The following CERS6 variants were observed in gnomAD, a reference collection of about 807,000 sequenced individuals.
CERS6 encodes the protein LAG1 homolog, ceramide synthase 6.
CERS6 carries 26 observed loss-of-function variants against 56.8 expected under a neutral mutation model. That is an observed-to-expected ratio of 0.46 (90% CI 0.34 to 0.63). The LOEUF is 0.63. Ranked by LOEUF, CERS6 falls within the 30% of genes least tolerant of loss-of-function variation. The probability of loss-of-function intolerance (pLI) is 0.01; values close to 1 mark genes in which losing one functional copy is unlikely to be tolerated. For missense variants in CERS6, 415 were observed against 467.5 expected (o/e 0.89, Z 1.04); for synonymous variants, 164 against 173.3 (o/e 0.95, Z 0.42).
In CERS6 at chr2:168,541,414, CAT is replaced by C. The variant is rs538420655; in HGVS notation, c.171-6181_171-6180del. Among the ~76,000 whole-genome samples the C allele has an allele frequency of 1.1e-4, 16 of 152,234 alleles. No homozygotes were observed. In the South Asian group the frequency reaches 1.9e-3, roughly 18 times the overall value. On this transcript the variant is annotated intron_variant, in intron 1 of 9. Coordinates refer to ENST00000305747, the MANE Select transcript of CERS6 (RefSeq NM_203463.3). The stretch of plus-strand genomic sequence containing the variant: ...TTTTCCCTGTGACTCTAATTACCCA[CAT>C]GTTAGATTTTGAACAATTGTTCTAC...
chr2:168,578,351 T>A (rs777659561), intron 3 of CERS6, among the ~76,000 whole-genome samples: 11 of 152,118 alleles, frequency 7.2e-5, no homozygotes, highest in Non-Finnish European at 1.5e-4. Context: ...AAAGTACTTT[T>A]GTGTCTTTTA....
Position 168,695,058 on chromosome 2 carries a change from G to A in CERS6, c.609+7G>A, listed in dbSNP as rs1377252983. 17 of 1,609,022 alleles carry A rather than the reference G, an allele frequency of 1.1e-5. No individual in the cohort carries two copies. Among genetic ancestry groups the A allele is most frequent in the Non-Finnish European group, 1.4e-5 (17 of 1,175,728 alleles). ...CACTGATATCAAAAGAAAGGTAAGAGCGGTTATGTCGTAAAGTGCTTGCAA... is the reference window on the plus strand; with the variant it reads ...CACTGATATCAAAAGAAAGGTAAGAACGGTTATGTCGTAAAGTGCTTGCAA... On this transcript the variant is annotated splice_region_variant and intron_variant, in intron 6 of 9. Transcript: ENST00000305747.
chr2:168,637,082 T>C (rs1684877197), intron 4 of CERS6, among the ~76,000 whole-genome samples: 1 of 152,196 alleles, frequency 6.6e-6, no homozygotes, highest in Admixed American at 6.5e-5. Flanking sequence ...ATATGTATGG[T>C]GAGCTGGTCC....
intron 2 of CERS6, among the ~76,000 whole-genome samples, chr2:168,559,785 G>A (rs1695755585): frequency 1.1e-5 from 1 of 90,926 alleles, no homozygotes. Flanking sequence ...TTTGGTCATT[G>A]TGCCTTCTCC....
chr2:168,630,494 A>G (rs1157559589), intron 3 of CERS6, among the ~76,000 whole-genome samples: 1 of 152,198 alleles, frequency 6.6e-6, no homozygotes, highest in Non-Finnish European at 1.5e-5. Context: ...TAGATTCTAT[A>G]TGCCTTCCTT....
In CERS6 at chr2:168,496,487, A is replaced by G. The variant is rs1454699652; in HGVS notation, c.170+39869A>G. On this transcript the variant is annotated intron_variant, in intron 1 of 9. Coordinates refer to ENST00000305747, the MANE Select transcript of CERS6 (RefSeq NM_203463.3). ...ATAGGAAGCCATCAGGCTCCATGAG[A>G]GGGGATTCTTGTCTTTTGGGTCCCC... is the stretch of plus-strand genomic sequence containing the variant. Among the ~76,000 whole-genome samples the G allele has an allele frequency of 2.6e-5, 4 of 152,088 alleles. No homozygotes were observed. In the East Asian group the frequency reaches 7.7e-4, roughly 29 times the overall value.
intron 4 of CERS6, among the ~76,000 whole-genome samples, chr2:168,633,580 C>T (rs1684798325): frequency 6.6e-6 from 1 of 152,164 alleles, no homozygotes; most frequent in Admixed American, 6.5e-5. Flanking sequence ...TGACTTCCTT[C>T]TTTGGGTAGC....
intron 4 of CERS6, among the ~76,000 whole-genome samples, chr2:168,682,947 C>T (rs1355257271): frequency 6.6e-6 from 1 of 151,998 alleles, no homozygotes; most frequent in African/African-American, 2.4e-5. Flanking sequence ...TTGAACAATC[C>T]GATTTATCTT....
intron 2 of CERS6, among the ~76,000 whole-genome samples, chr2:168,555,514 T>G (rs1209746369): frequency 6.6e-6 from 1 of 152,060 alleles, no homozygotes; most frequent in Non-Finnish European, 1.5e-5. Flanking sequence ...ATAACTATAA[T>G]TTTAACTTAT....
intron 4 of CERS6, among the ~76,000 whole-genome samples, chr2:168,645,114 A>T (rs868583699): frequency 0.043 from 1,453 of 34,152 alleles, 128 homozygotes; most frequent in Non-Finnish European, 0.063. Context: ...AAAAAAAAAA[A>T]AAATATATAT....
At chr2:168,638,624 A>G (rs1276728261) in intron 4 of CERS6, among the ~76,000 whole-genome samples, 1 of 152,212 alleles carries the variant, frequency 6.6e-6, no homozygotes, top group Non-Finnish European at 1.5e-5. Context: ...ACTTTTTCAG[A>G]TGATAAAGGT....
At chr2:168,680,264 A>G (rs1039149455) in intron 4 of CERS6, among the ~76,000 whole-genome samples, 1 of 152,236 alleles carries the variant, frequency 6.6e-6, no homozygotes, top group Non-Finnish European at 1.5e-5. Flanking sequence ...GTGCACGGTC[A>G]CAGTGGTCTG....
At chr2:168,622,712 C>T (rs1370533939) in intron 3 of CERS6, among the ~76,000 whole-genome samples, 1 of 152,148 alleles carries the variant, frequency 6.6e-6, no homozygotes, top group African/African-American at 2.4e-5. Context: ...ACAGAAAGAG[C>T]TGAGCCTTAA....
chr2:168,576,214 C>A (rs1381461371), intron 3 of CERS6, among the ~76,000 whole-genome samples: 1 of 152,178 alleles, frequency 6.6e-6, no homozygotes, highest in East Asian at 1.9e-4. Flanking sequence ...ATGGTCCCCT[C>A]ATTTGTGTGC....
chr2:168,662,806 C>A (rs1685664528), intron 4 of CERS6, among the ~76,000 whole-genome samples: 1 of 152,240 alleles, frequency 6.6e-6, no homozygotes, highest in Admixed American at 6.5e-5. Flanking sequence ...TAGCTTCCCA[C>A]AGCGTACAAT....
In CERS6 at chr2:168,547,611, G is replaced by A. The variant is rs766553189; in HGVS notation, c.186G>A (p.Pro62=). The change falls in exon 2 of 10, where the codon CCG becomes CCA. Residue 62 remains proline (P), a synonymous_variant. Transcript: ENST00000305747. ...RLIFERFVAK[P]CAIALNIQAN... ...TAATTTTTAGATTTGTAGCCAAACC[G>A]TGCGCCATAGCCCTCAACATTCAGG... 88 of 1,612,666 alleles carry A rather than the reference G, an allele frequency of 5.5e-5. No homozygotes were observed. The highest frequency in any genetic ancestry group is 6.2e-5 in the Non-Finnish European group (73 of 1,178,868).
Position 168,692,179 on chromosome 2 carries a change from A to T in CERS6, c.516+1095A>T, listed in dbSNP as rs114042449. 6.3e-3 allele frequency among the ~76,000 whole-genome samples: 965 copies of T among 152,310 alleles called. 12 individuals are homozygous for T. The highest frequency in any genetic ancestry group is 0.031 in the Middle Eastern group (9 of 294). On this transcript the variant is annotated intron_variant, in intron 5 of 9. Coordinates refer to ENST00000305747, the MANE Select transcript of CERS6 (RefSeq NM_203463.3). ...GGCAAGAGAGCTGAGCATTCAGAGG[A>T]TATTTGATAGAGACTAAAGCAGTGT...
At chr2:168,681,660 TC>T (rs1686219188) in intron 4 of CERS6, among the ~76,000 whole-genome samples, 1 of 152,160 alleles carries the variant, frequency 6.6e-6, no homozygotes, top group Non-Finnish European at 1.5e-5. Context: ...AACCCACTCT[TC>T]CAGCTAATTG....
intron 3 of CERS6, among the ~76,000 whole-genome samples, chr2:168,585,383 C>T (rs1683516836): frequency 6.6e-6 from 1 of 152,238 alleles, no homozygotes; most frequent in African/African-American, 2.4e-5. Context: ...AGCTCATGTT[C>T]TACGTTCTTC....
Sources: allele counts gnomAD v4.1 joint callset (sites outside exome capture counted in the v4.1 genomes callset), GRCh38; gene constraint gnomAD v4.1.1; transcripts MANE v1.5; gene names NCBI Gene and HGNC (gene_info 2026-07-23, HGNC 2026-07-21).